The following ZNF750 variants were observed in gnomAD, a reference collection of about 807,000 sequenced individuals.
The protein encoded by ZNF750 is zinc finger protein 750.
Under a neutral mutation model 31.6 loss-of-function variants are expected in ZNF750, and 10 were observed. The observed-to-expected ratio is 0.32, with a 90% CI of 0.19 to 0.54. ZNF750 has a LOEUF of 0.54. Ranked by LOEUF, ZNF750 falls within the 20% of genes least tolerant of loss-of-function variation. The probability of loss-of-function intolerance (pLI) is 0.95; values close to 1 mark genes in which losing one functional copy is unlikely to be tolerated. For synonymous variants in ZNF750, 400 were observed against 404.9 expected (o/e 0.99, Z 0.15); for missense variants, 914 against 934.9 (o/e 0.98, Z 0.29).
intron 1 of ZNF750, chr17:82,838,918 G>T (rs1013739879): frequency 1.0e-6 from 1 of 985,388 alleles, no homozygotes; most frequent in South Asian, 4.7e-5. Flanking sequence ...TTGCTAATGC[G>T]CAGTGAAAAT....
chr17:82,829,934 A>G lies in ZNF750; in HGVS notation c.*208T>C. On this transcript the variant is annotated 3_prime_UTR_variant, in exon 3 of 3. Transcript: ENST00000269394. ...GAGTCATTCAGGTGTTTTTACAACC[A>G]AAAGTAGAAGCACCTTTTAATATTC... 1 of 813,442 alleles carries G rather than the reference A, an allele frequency of 1.2e-6. No individual in the cohort carries two copies. The highest frequency in any genetic ancestry group is 1.8e-5 in the South Asian group (1 of 54,188). The allele number at this position is 813,442 out of a possible 1,614,324, so 50.4% of individuals were successfully genotyped here.
Position 82,835,979 on chromosome 17 carries a change from G to T in ZNF750, c.-182-3343C>A, listed in dbSNP as rs752946131. ...GGGTGACACCCTGGGCTCAGACCCC[G>T]CGCTCAGCACCCGTCTCCCACCGTG... On this transcript the variant is annotated intron_variant, in intron 1 of 2. Coordinates refer to ENST00000269394, the MANE Select transcript of ZNF750 (RefSeq NM_024702.3). This position sits in a 1 kb window ranked among gnomAD's most constrained non-coding sequence, Gnocchi z 4.5. 6.6e-6 allele frequency among the ~76,000 whole-genome samples: 1 copy of T among 152,108 alleles called. No homozygotes were observed. The highest frequency in any genetic ancestry group is 2.4e-5 in the African/African-American group (1 of 41,424).
chr17:82,838,482 C>T (rs943636679), intron 1 of ZNF750, among the ~76,000 whole-genome samples: 1 of 152,166 alleles, frequency 6.6e-6, no homozygotes, highest in Non-Finnish European at 1.5e-5. Flanking sequence ...TGGTGGTGTC[C>T]AGCTGTCTGG....
At chr17:82,839,344 C>T (rs1410001569) in intron 1 of ZNF750, among the ~76,000 whole-genome samples, 1 of 151,706 alleles carries the variant, frequency 6.6e-6, no homozygotes, top group Non-Finnish European at 1.5e-5. Flanking sequence ...GTACATATAC[C>T]ACACACACAT....
rs2053669982 is a variant in ZNF750 at position 82,833,207 on chromosome 17, C to T, written c.-182-571G>A. On this transcript the variant is annotated intron_variant, in intron 1 of 2. Transcript: ENST00000269394. The surrounding 1 kb of genome is among the most constrained non-coding windows in gnomAD (Gnocchi z 4.7). Reference sequence around the variant, plus strand: ...CCCTCACTTTTACACAGAGCGTGGGCTGGCCACCGTCTACTTGCTCCTACC... The same window carrying T: ...CCCTCACTTTTACACAGAGCGTGGGTTGGCCACCGTCTACTTGCTCCTACC... Among the ~76,000 whole-genome samples, 1 of 152,066 alleles carries T rather than the reference C, an allele frequency of 6.6e-6. No individual in the cohort carries two copies.
At chr17:82,830,924 CAACTGCGTGAA>C in intron 2 of ZNF750, 47 bp from the exon 3 acceptor site, 1 of 1,613,124 alleles carries the variant, frequency 6.2e-7, no homozygotes, top group Middle Eastern at 1.6e-4. Context: ...CTTAGAAAAG[CAACTGCGTGAA>C]GCAGTGTGAG....
In ZNF750 at chr17:82,833,970, G is replaced by T. The variant is rs1331983120; in HGVS notation, c.-182-1334C>A. On this transcript the variant is annotated intron_variant, in intron 1 of 2. Transcript: ENST00000269394. This position sits in a 1 kb window ranked among gnomAD's most constrained non-coding sequence, Gnocchi z 4.7. ...GCTGTTTTTCTTTTTTTGAGACAGA[G>T]TTTCTCCCTTGTTGCCCAGTCTGGA... Among the ~76,000 whole-genome samples, 3 of 151,450 alleles carry T rather than the reference G, an allele frequency of 2.0e-5. No individual in the cohort carries two copies. The highest frequency in any genetic ancestry group is 6.6e-5 in the Admixed American group (1 of 15,214).
chr17:82,838,062 C>T (rs1282187539), intron 1 of ZNF750, among the ~76,000 whole-genome samples: 2 of 152,222 alleles, frequency 1.3e-5, no homozygotes, highest in East Asian at 1.9e-4. Context: ...CTGGAAAGTG[C>T]GCTGAGCTGA....
rs533018563 is a variant in ZNF750 at position 82,833,423 on chromosome 17, C to G, written c.-182-787G>C. Among the ~76,000 whole-genome samples the G allele has an allele frequency of 6.6e-6, 1 of 152,336 alleles. No individual in the cohort carries two copies. Among genetic ancestry groups the G allele is most frequent in the African/African-American group, 2.4e-5 (1 of 41,578 alleles). ...ATGAAGAACATTCGAACACAAGACT[C>G]TACCCTACTGCTTCTAAAGTCAGCT... On this transcript the variant is annotated intron_variant, in intron 1 of 2. Transcript: ENST00000269394. This position sits in a 1 kb window ranked among gnomAD's most constrained non-coding sequence, Gnocchi z 4.7.
rs779947766 is a variant in ZNF750, at chr17:82,833,786, G to C, written c.-182-1150C>G. The stretch of plus-strand genomic sequence containing the variant: ...CTTTAGGGAGTGGGTTCAGCCCTCT[G>C]GCCACACCCACTCAGGTCCTGGGAC... On this transcript the variant is annotated intron_variant, in intron 1 of 2. Coordinates refer to ENST00000269394, the MANE Select transcript of ZNF750 (RefSeq NM_024702.3). The surrounding 1 kb of genome is among the most constrained non-coding windows in gnomAD (Gnocchi z 4.7). 3.9e-5 allele frequency among the ~76,000 whole-genome samples: 6 copies of C among 152,092 alleles called. No individual in the cohort carries two copies. Among genetic ancestry groups the C allele is most frequent in the Non-Finnish European group, 8.8e-5 (6 of 68,014 alleles).
At chr17:82,836,543 C>G (rs1399014060) in intron 1 of ZNF750, among the ~76,000 whole-genome samples, 1 of 152,034 alleles carries the variant, frequency 6.6e-6, no homozygotes, top group Non-Finnish European at 1.5e-5. Flanking sequence ...CTTCAGTTTT[C>G]GAAGCCGCAT....
chr17:82,839,271 A>G (rs1046941626), intron 1 of ZNF750, among the ~76,000 whole-genome samples: 1 of 152,216 alleles, frequency 6.6e-6, no homozygotes, highest in Non-Finnish European at 1.5e-5. Flanking sequence ...ACACATATAT[A>G]TAACCCTAAA....
At chr17:82,834,380 C>CTTTA (rs1274538647) in intron 1 of ZNF750, among the ~76,000 whole-genome samples, 2 of 152,106 alleles carry the variant, frequency 1.3e-5, no homozygotes, top group Non-Finnish European at 2.9e-5. Flanking sequence ...AGGCTAAGCA[C>CTTTA]TTTAATTCGT....
rs56051009 is a variant in ZNF750 at position 82,836,000 on chromosome 17, C to T, written c.-182-3364G>A. On this transcript the variant is annotated intron_variant, in intron 1 of 2. Coordinates refer to ENST00000269394, the MANE Select transcript of ZNF750 (RefSeq NM_024702.3). This position sits in a 1 kb window ranked among gnomAD's most constrained non-coding sequence, Gnocchi z 4.5. ...CCCCGCGCTCAGCACCCGTCTCCCA[C>T]CGTGGGCTGCCACAGAAGCTACAAG... is the stretch of plus-strand genomic sequence containing the variant. Among the ~76,000 whole-genome samples the T allele has an allele frequency of 0.01, 1,556 of 152,336 alleles. 21 individuals are homozygous for T. Among genetic ancestry groups the T allele is most frequent in the African/African-American group, 0.035 (1,449 of 41,568 alleles).
chr17:82,834,947 C>G (rs2053843001), intron 1 of ZNF750, among the ~76,000 whole-genome samples: 1 of 152,020 alleles, frequency 6.6e-6, no homozygotes, highest in Non-Finnish European at 1.5e-5. Context: ...CCTGTAATCC[C>G]AGCACTTTGG....
intron 1 of ZNF750, chr17:82,838,868 G>T (rs1052505181): frequency 1.0e-6 from 1 of 985,304 alleles, no homozygotes; most frequent in East Asian, 1.1e-4. Flanking sequence ...TACAGTCGCC[G>T]CCTCATCCTG....
In ZNF750 at chr17:82,829,717, C is replaced by G. The variant is rs1392395601; in HGVS notation, c.*425G>C. 1 of 178,382 alleles carries G rather than the reference C, an allele frequency of 5.6e-6. No individual in the cohort carries two copies. Among genetic ancestry groups the G allele is most frequent in the South Asian group, 1.2e-4 (1 of 8,236 alleles). The allele number at this position is 178,382 out of a possible 1,614,324, so 11.0% of individuals were successfully genotyped here. ...TCACATTTTTCTTTTTTACATATGG[C>G]ACTTTAATGTTAGTACTGAAAATGT... On this transcript the variant is annotated 3_prime_UTR_variant, in exon 3 of 3. Coordinates refer to ENST00000269394, the MANE Select transcript of ZNF750 (RefSeq NM_024702.3).
At position 82,832,737 on chromosome 17, in the gene ZNF750, C is replaced by G; in HGVS notation, c.-182-101G>C. On this transcript the variant is annotated intron_variant, in intron 1 of 2. Transcript: ENST00000269394. This position sits in a 1 kb window ranked among gnomAD's most constrained non-coding sequence, Gnocchi z 4.9. Reference sequence around the variant, plus strand: ...TGCCACAGGATCCCTGAAGCAGAACCCCTGAAGGGCTGAAACTGCCTGCTC... The same window carrying G: ...TGCCACAGGATCCCTGAAGCAGAACGCCTGAAGGGCTGAAACTGCCTGCTC... 1 of 488,780 alleles carries G rather than the reference C, an allele frequency of 2.0e-6. No individual in the cohort carries two copies. Among genetic ancestry groups the G allele is most frequent in the South Asian group, 2.1e-5 (1 of 47,132 alleles). The allele number at this position is 488,780 out of a possible 1,614,324, so 30.3% of individuals were successfully genotyped here. A position where few individuals can be genotyped will look rare whatever the true frequency, so the allele number is the denominator to read the frequency against.
Position 82,829,874 on chromosome 17 carries a change from A to AGAG in ZNF750, c.*267_*268insCTC. The stretch of plus-strand genomic sequence containing the variant: ...AAACATTTATAAAAGATCTTCTGTA[A>AGAG]GACAGCTTAGACTTGAAAATACATA... On this transcript the variant is annotated 3_prime_UTR_variant, in exon 3 of 3. Coordinates refer to ENST00000269394, the MANE Select transcript of ZNF750 (RefSeq NM_024702.3). The AGAG allele has an allele frequency of 3.8e-6, 2 of 526,522 alleles. No homozygotes were observed. The highest frequency in any genetic ancestry group is 6.7e-6 in the Non-Finnish European group (2 of 297,980). The allele number at this position is 526,522 out of a possible 1,614,324, so 32.6% of individuals were successfully genotyped here. A position where few individuals can be genotyped will look rare whatever the true frequency, so the allele number is the denominator to read the frequency against.
Sources: allele counts gnomAD v4.1 joint callset (sites outside exome capture counted in the v4.1 genomes callset), GRCh38; gene constraint gnomAD v4.1.1; non-coding constraint Gnocchi (gnomAD v3.1); transcripts MANE v1.5; gene names NCBI Gene and HGNC (gene_info 2026-07-23, HGNC 2026-07-21).